MACF1: variants seen among roughly 807,000 people sequenced by gnomAD.
MACF1 encodes the protein microtubule actin crosslinking factor 1.
MACF1 carries 193 observed loss-of-function variants against 854.8 expected under a neutral mutation model. The ratio of observed to expected loss-of-function variants is 0.23; its 90% CI spans 0.20 to 0.25. The LOEUF (loss-of-function observed/expected upper bound fraction) is 0.25. Ranked by LOEUF, MACF1 falls within the 10% of genes least tolerant of loss-of-function variation. The probability of loss-of-function intolerance (pLI) is 1.00; values close to 1 mark genes in which losing one functional copy is unlikely to be tolerated. For missense variants in MACF1, 7,722 were observed against 8,929.1 expected (o/e 0.86, Z 5.45); for synonymous variants, 3,185 against 3,226.7 (o/e 0.99, Z 0.44).
chr1:39,155,561 A>G (rs922984252), intron 2 of MACF1, among the ~76,000 whole-genome samples: 3 of 152,198 alleles, frequency 2.0e-5, no homozygotes, highest in Non-Finnish European at 4.4e-5. Flanking sequence ...TCTTAAGGTC[A>G]TTTCAGGAGT....
intron 62 of MACF1, 144 bp downstream of exon 62, chr1:39,427,758 A>G: frequency 1.0e-6 from 1 of 983,720 alleles, no homozygotes; most frequent in Non-Finnish European, 1.5e-6. Context: ...GAAAAGTCAC[A>G]TTCTTGAAAT....
chr1:39,227,489 A>G (rs1644729943), intron 1 of MACF1, among the ~76,000 whole-genome samples: 2 of 152,248 alleles, frequency 1.3e-5, no homozygotes, highest in South Asian at 2.1e-4. Context: ...ATATAATTAT[A>G]TAAGTGCTGA....
intron 52 of MACF1, among the ~76,000 whole-genome samples, chr1:39,376,574 T>C (rs1201635823): frequency 6.6e-6 from 1 of 152,266 alleles, no homozygotes; most frequent in East Asian, 1.9e-4. Flanking sequence ...TAGTACCGTC[T>C]TCTCCCACCT....
rs750262685 is a variant in MACF1, at chr1:39,190,395, G to GTTTTTTTT, written c.221-40782_221-40781insTTTTTTTT. ...TGTGTGTGTGTGTGTGTGTGTGTTTGTTTTTGTTTTTTTTTTTTTTTTTTG... is the reference window on the plus strand; with the variant it reads ...TGTGTGTGTGTGTGTGTGTGTGTTTGTTTTTTTTTTTTTGTTTTTTTTTTTTTTTTTTG... On this transcript the variant is annotated intron_variant, in intron 2 of 93. Transcript: ENST00000361689. Among the ~76,000 whole-genome samples the GTTTTTTTT allele has an allele frequency of 5.2e-3, 413 of 78,876 alleles. 38 individuals are homozygous for GTTTTTTTT. Among genetic ancestry groups the GTTTTTTTT allele is most frequent in the South Asian group, 6.3e-3 (12 of 1,906 alleles). 51.7% of individuals were successfully genotyped at this position (78,876 alleles called of 152,430 possible).
Position 39,485,675 on chromosome 1 carries a change from A to G in MACF1, c.22549A>G (p.Ser7517Gly). Residue 7517 changes from serine to glycine, a missense_variant, in exon 101 of 101, where the codon AGC (serine) becomes GGC (glycine). Around this residue, in one of 15 missense-constraint regions of MACF1, gnomAD observed 185 missense variants for 225.7 expected, o/e 0.82. Coordinates refer to ENST00000564288, the MANE Select transcript of MACF1 (RefSeq NM_001394062.1). The stretch of plus-strand genomic sequence containing the variant: ...GTCTGCTTGTTCCGACACTTCAGAA[A>G]GCAGCGCTGCAGGGGGCCAAGGCAA... ...TQSACSDTSE[S>G]SAAGGQGNSR... 1 of 1,614,132 alleles carries G rather than the reference A, an allele frequency of 6.2e-7. No homozygotes were observed. Among genetic ancestry groups the G allele is most frequent in the Non-Finnish European group, 8.5e-7 (1 of 1,180,006 alleles).
intron 2 of MACF1, among the ~76,000 whole-genome samples, chr1:39,172,622 C>T (rs1238761167): frequency 6.6e-6 from 1 of 152,190 alleles, no homozygotes; most frequent in Admixed American, 6.5e-5. Context: ...ATTTCAAGGC[C>T]AGGCTGCCAC....
intron 2 of MACF1, among the ~76,000 whole-genome samples, chr1:39,106,630 T>C (rs958292218): frequency 4.6e-5 from 7 of 152,088 alleles, no homozygotes; most frequent in African/African-American, 1.7e-4. Context: ...CAGGCAGCAC[T>C]TTTCCCCATT....
chr1:39,393,196 A>AAAAAAATATATATATATATATATATATAT (rs57576149), intron 58 of MACF1, among the ~76,000 whole-genome samples: 1 of 66,566 alleles, frequency 1.5e-5, no homozygotes, highest in African/African-American at 8.4e-5. Context: ...AAAAAAAAAA[A>AAAAAAATATATATATATATATATATATAT]ATATATATAT....
In MACF1 at chr1:39,152,571, T is replaced by G. The variant is rs138987492; in HGVS notation, c.220+68133T>G. On this transcript the variant is annotated intron_variant, in intron 2 of 93. Coordinates refer to the MACF1 transcript ENST00000361689. ...TGCTTTTAGCACTTCCTCAACATTG[T>G]GATGTTCTCCCACAGAATTTTATCT... 3.5e-4 allele frequency among the ~76,000 whole-genome samples: 54 copies of G among 152,354 alleles called. No individual in the cohort carries two copies. In the East Asian group the frequency reaches 5.0e-3, roughly 14 times the overall value.
At chr1:39,113,725 C>T (rs1642471123) in intron 2 of MACF1, among the ~76,000 whole-genome samples, 1 of 152,034 alleles carries the variant, frequency 6.6e-6, no homozygotes, top group Non-Finnish European at 1.5e-5. Flanking sequence ...GATATCAGAT[C>T]CCAGGCAAGC....
intron 52 of MACF1, among the ~76,000 whole-genome samples, chr1:39,375,831 A>G (rs1369415247): frequency 6.6e-6 from 1 of 152,254 alleles, no homozygotes; most frequent in Non-Finnish European, 1.5e-5. Flanking sequence ...CATAGAAAAC[A>G]CTTAAGACTG....
chr1:39,395,219 T>C (rs577721186), intron 58 of MACF1, among the ~76,000 whole-genome samples: 7 of 152,314 alleles, frequency 4.6e-5, no homozygotes, highest in African/African-American at 1.7e-4. Context: ...ACTTCCCAGT[T>C]GTACAACTAA....
intron 66 of MACF1, 53 bp from the exon 67 acceptor site, chr1:39,432,482 G>C (rs1242335730): frequency 6.3e-7 from 1 of 1,577,230 alleles, no homozygotes; most frequent in Admixed American, 1.7e-5. Flanking sequence ...TTGCAGTTAT[G>C]TGGAGACTTG....
intron 60 of MACF1, 100 bp from the exon 61 acceptor site, chr1:39,423,928 T>C: frequency 9.6e-7 from 1 of 1,038,388 alleles, no homozygotes; most frequent in Non-Finnish European, 1.4e-6. Context: ...TCAATGAAGC[T>C]TAGGATTTGG....
chr1:39,482,710 C>A (rs1257548017), intron 99 of MACF1, among the ~76,000 whole-genome samples: 16 of 146,474 alleles, frequency 1.1e-4, no homozygotes. Flanking sequence ...CAGGAGATCA[C>A]TTGAACCTGG....
At chr1:39,187,895 T>TCTGTCTCTCTCTCTCTCTC (rs1553160207) in intron 2 of MACF1, among the ~76,000 whole-genome samples, 2,482 of 68,424 alleles carry the variant, frequency 0.036, 132 homozygotes, top group African/African-American at 0.12. Flanking sequence ...TCTCTCTCTC[T>TCTGTCTCTCTCTCTCTCTC]CTCTCTCCTC....
At chr1:39,429,180 C>T in intron 63 of MACF1, 62 bp from the exon 64 acceptor site, 2 of 836,684 alleles carry the variant, frequency 2.4e-6, no homozygotes, top group Non-Finnish European at 4.1e-6. Flanking sequence ...TCTTAAAGGT[C>T]TCGCATTTTG....
chr1:39,381,923 G>C (rs1401440315), intron 55 of MACF1, 30 bp from the exon 56 acceptor site: 1 of 1,534,626 alleles, frequency 6.5e-7, no homozygotes, highest in Non-Finnish European at 9.0e-7. Flanking sequence ...ATAATGTAAA[G>C]GAATACATTC....
Position 39,334,323 on chromosome 1 carries a change from G to A in MACF1, c.7735G>A (p.Ala2579Thr), listed in dbSNP as rs759274774. ...GAAAAGAGAAATCCAGGAGGTTCAG[G>A]CCTTTACTGGAAACTTTGTGGATCT... ...DLKREIQEVQ[A>T]FTGNFVDLIS... The change falls in exon 37 of 101, where the codon GCC becomes ACC. Residue 2579 changes from alanine (A) to threonine (T), a missense_variant. Ala to Thr is a moderately conservative substitution (Grantham distance 58). Around this residue, in one of 15 missense-constraint regions of MACF1, gnomAD observed 1,531 missense variants for 1,601.6 expected, o/e 0.96. Transcript: ENST00000564288. The A allele has an allele frequency of 3.7e-6, 6 of 1,614,104 alleles. No individual in the cohort carries two copies. The South Asian group carries it at 6.6e-5, about 18-fold the overall frequency.
Sources: allele counts gnomAD v4.1 joint callset (sites outside exome capture counted in the v4.1 genomes callset), GRCh38; gene constraint gnomAD v4.1.1; regional missense constraint gnomAD v4.1.1; transcripts MANE v1.5; gene names NCBI Gene and HGNC (gene_info 2026-07-23, HGNC 2026-07-21).